CDK14: variants seen among roughly 807,000 people sequenced by gnomAD.
CDK14 encodes cyclin-dependent kinase 14.
CDK14 carries 34 observed loss-of-function variants against 60.7 expected under a neutral mutation model. That is an observed-to-expected ratio of 0.56 (90% CI 0.43 to 0.75). The LOEUF is 0.75. Among genes scored for constraint, CDK14 ranks in the 30% least tolerant of loss-of-function variants. The probability of loss-of-function intolerance (pLI) is 0.00; values close to 1 mark genes in which losing one functional copy is unlikely to be tolerated. For synonymous variants in CDK14, 197 were observed against 203.7 expected, an observed-to-expected ratio of 0.97 and a Z score of 0.28; for missense variants, 482 against 564.1, an observed-to-expected ratio of 0.85 and a Z score of 1.47.
chr7:90,729,799 C>G (rs1802787831), intron 3 of CDK14, among the ~76,000 whole-genome samples: 1 of 152,000 alleles, frequency 6.6e-6, no homozygotes, highest in African/African-American at 2.4e-5. Flanking sequence ...TTCGTTTTCT[C>G]TTTCAGCAGG....
intron 12 of CDK14, among the ~76,000 whole-genome samples, chr7:91,087,460 C>T (rs912562120): frequency 2.6e-5 from 4 of 152,138 alleles, no homozygotes; most frequent in African/African-American, 7.2e-5. Flanking sequence ...CAGGTTCATC[C>T]CTAGTTCCAC....
chr7:91,011,425 T>A (rs1796156616), intron 10 of CDK14, among the ~76,000 whole-genome samples: 1 of 152,152 alleles, frequency 6.6e-6, no homozygotes, highest in Non-Finnish European at 1.5e-5. Flanking sequence ...CATTTTGGTG[T>A]GCTTATTATA....
chr7:91,086,162 G>A (rs543089773), intron 12 of CDK14, among the ~76,000 whole-genome samples: 3 of 152,180 alleles, frequency 2.0e-5, no homozygotes, highest in African/African-American at 7.2e-5. Flanking sequence ...GCACTCAAGT[G>A]TCCAGAGATC....
At chr7:90,895,015 G>T (rs951322817) in intron 6 of CDK14, among the ~76,000 whole-genome samples, 1 of 151,834 alleles carries the variant, frequency 6.6e-6, no homozygotes, top group Admixed American at 6.6e-5. Context: ...TCCCTTTCTT[G>T]TGCTTGCCTA....
chr7:91,029,635 C>CTCCCCTCTCCCCTCTCCCCT, intron 10 of CDK14, among the ~76,000 whole-genome samples: 2 of 147,116 alleles, frequency 1.4e-5, no homozygotes, highest in South Asian at 2.2e-4. Flanking sequence ...CCTCTCCCCT[C>CTCCCCTCTCCCCTCTCCCCT]TCCCCTTCCC....
Position 90,984,187 on chromosome 7 carries a change from T to G in CDK14, c.987T>G (p.Val329=). The G allele has an allele frequency of 6.2e-7, 1 of 1,613,186 alleles. No homozygotes were observed. The highest frequency in any genetic ancestry group is 8.5e-7 in the Non-Finnish European group (1 of 1,179,168). Residue 329 remains valine (V), a synonymous_variant, in exon 10 of 15, where the codon GTT becomes GTG. Coordinates refer to ENST00000380050, the MANE Select transcript of CDK14 (RefSeq NM_001287135.2). ...GCIFVEMIQG[V]AAFPGMKDIQ... ...TCTTTGTTGAAATGATCCAAGGAGT[T>G]GCTGCTTTTCCAGGAATGAAAGACA...
In CDK14 at chr7:90,746,860, T is replaced by C. The variant is rs139486236; in HGVS notation, c.370-821T>C. 1.8e-3 allele frequency among the ~76,000 whole-genome samples: 270 copies of C among 152,326 alleles called. 5 individuals are homozygous for C. Among genetic ancestry groups the C allele is most frequent in the Admixed American group, 0.016 (241 of 15,304 alleles). On this transcript the variant is annotated intron_variant, in intron 3 of 14. Coordinates refer to ENST00000380050, the MANE Select transcript of CDK14 (RefSeq NM_001287135.2). ...TTGATTTATGTATATATAAGAGAGT[T>C]CCATTTTGTATTAGTGATAGCTGAG...
chr7:91,060,556 G>T (rs1797749599), intron 11 of CDK14, among the ~76,000 whole-genome samples: 1 of 152,092 alleles, frequency 6.6e-6, no homozygotes, highest in Non-Finnish European at 1.5e-5. Context: ...TCCTTTCCAT[G>T]TTTCTGCTTC....
chr7:90,719,889 A>G (rs1802383381), intron 2 of CDK14, among the ~76,000 whole-genome samples: 1 of 152,176 alleles, frequency 6.6e-6, no homozygotes, highest in Non-Finnish European at 1.5e-5. Flanking sequence ...TGATATTAGA[A>G]TTTCTGTCTT....
chr7:91,123,475 A>G (rs1468338834), intron 14 of CDK14, among the ~76,000 whole-genome samples: 1 of 152,144 alleles, frequency 6.6e-6, no homozygotes, highest in Admixed American at 6.5e-5. Context: ...TTACCCCCAC[A>G]TGACTGCCAA....
intron 6 of CDK14, among the ~76,000 whole-genome samples, chr7:90,875,400 C>G (rs1791522863): frequency 6.6e-6 from 1 of 152,162 alleles, no homozygotes; most frequent in Non-Finnish European, 1.5e-5. Flanking sequence ...CATCTTATAA[C>G]TCTATCTTTC....
At chr7:90,916,240 C>T (rs1434171801) in intron 7 of CDK14, among the ~76,000 whole-genome samples, 1 of 152,126 alleles carries the variant, frequency 6.6e-6, no homozygotes, top group Admixed American at 6.5e-5. Context: ...GAACTCAAGT[C>T]TTTCTGTTTG....
chr7:91,009,140 C>G (rs151226692), intron 10 of CDK14, among the ~76,000 whole-genome samples: 2,480 of 152,112 alleles, frequency 0.016, 23 homozygotes, highest in Non-Finnish European at 0.022. Context: ...TTTGCCCTGG[C>G]TTTTTTTAGT....
chr7:90,678,012 C>T (rs901059481), intron 2 of CDK14, among the ~76,000 whole-genome samples: 33 of 152,118 alleles, frequency 2.2e-4, no homozygotes, highest in African/African-American at 7.5e-4. Context: ...AGAGAGACTG[C>T]GACTCAGCGA....
At chr7:91,037,954 A>G (rs766398532) in intron 10 of CDK14, among the ~76,000 whole-genome samples, 2 of 152,236 alleles carry the variant, frequency 1.3e-5, no homozygotes, top group Non-Finnish European at 2.9e-5. Flanking sequence ...CAGTTCCCTT[A>G]GTGAAATGAA....
intron 2 of CDK14, chr7:90,608,646 A>T (rs183735807): frequency 1.1e-5 from 6 of 537,354 alleles, no homozygotes; most frequent in African/African-American, 4.1e-5. Context: ...TGTTTATGGC[A>T]TATAATCCAG....
intron 6 of CDK14, among the ~76,000 whole-genome samples, chr7:90,881,766 G>A (rs1791763410): frequency 6.6e-6 from 1 of 152,166 alleles, no homozygotes; most frequent in Admixed American, 6.5e-5. Context: ...AGCCAGAAGA[G>A]ATTGGAGGCC....
intron 14 of CDK14, among the ~76,000 whole-genome samples, chr7:91,205,946 C>G (rs1940378924): frequency 6.6e-6 from 1 of 152,122 alleles, no homozygotes; most frequent in Admixed American, 6.6e-5. Context: ...CAGGCACACA[C>G]CACCACGCCT....
At chr7:90,638,066 G>A (rs985855529) in intron 2 of CDK14, among the ~76,000 whole-genome samples, 2 of 150,162 alleles carry the variant, frequency 1.3e-5, no homozygotes, top group African/African-American at 4.9e-5. Context: ...CACACTGATG[G>A]GTCTGGACTC....
Sources: allele counts gnomAD v4.1 joint callset (sites outside exome capture counted in the v4.1 genomes callset), GRCh38; gene constraint gnomAD v4.1.1; transcripts MANE v1.5; gene names NCBI Gene and HGNC (gene_info 2026-07-23, HGNC 2026-07-21).